The following MED17 variants were observed in gnomAD, a reference collection of about 807,000 sequenced individuals.
MED17 encodes mediator complex subunit 17.
A neutral mutation model predicts 80.8 loss-of-function variants in MED17; 49 were observed. That is an observed-to-expected ratio of 0.61 (90% CI 0.48 to 0.77). MED17 has a LOEUF of 0.77. Ranked by LOEUF, MED17 falls within the 30% of genes least tolerant of loss-of-function variation. The pLI, the probability that MED17 is intolerant of heterozygous loss-of-function variation, is 0.00. For synonymous variants in MED17, 281 were observed against 280.4 expected (o/e 1.00, Z -0.02); for missense variants, 718 against 787.0 (o/e 0.91, Z 1.05).
At chr11:93,807,267 G>T in intron 9 of MED17, 1 of 398,494 alleles carries the variant, frequency 2.5e-6, no homozygotes, top group Non-Finnish European at 4.6e-6. Context: ...ACAAAAATTA[G>T]CCGGGCATGA....
At chr11:93,786,042 A>G (rs1045515200) in intron 1 of MED17, among the ~76,000 whole-genome samples, 3 of 152,222 alleles carry the variant, frequency 2.0e-5, no homozygotes, top group South Asian at 2.1e-4. Context: ...CTTACAAAGT[A>G]TAGATATATT....
chr11:93,784,893 A>G (rs1943752688), intron 1 of MED17, 130 bp downstream of exon 1: 1 of 1,311,810 alleles, frequency 7.6e-7, no homozygotes, highest in Non-Finnish European at 1.0e-6. Flanking sequence ...GCGGAAGCGT[A>G]AGGATACTTG....
At position 93,790,800 on chromosome 11, in the gene MED17, A is replaced by G. The variant is rs1322554958; in HGVS notation, c.637+7A>G. On this transcript the variant is annotated splice_region_variant and intron_variant, in intron 3 of 11. Coordinates refer to ENST00000251871, the MANE Select transcript of MED17 (RefSeq NM_004268.5). ...CTGAGCTACAGAAGTGCAGGTATGA[A>G]TAATTATTAAAAACTATACTTTCTG... is the stretch of plus-strand genomic sequence containing the variant. 6.2e-7 allele frequency: 1 copy of G among 1,611,636 alleles called. No homozygotes were observed. The highest frequency in any genetic ancestry group is 1.3e-5 in the African/African-American group (1 of 75,010).
chr11:93,804,634 G>A (rs572197739), intron 9 of MED17, among the ~76,000 whole-genome samples: 2 of 152,194 alleles, frequency 1.3e-5, no homozygotes, highest in South Asian at 4.1e-4. Context: ...TAGAAGTTAT[G>A]TAACCCTACC....
chr11:93,807,327 C>T (rs1944036627), intron 9 of MED17, 191 bp from the exon 10 acceptor site: 1 of 536,850 alleles, frequency 1.9e-6, no homozygotes. Flanking sequence ...GCAGGAGACT[C>T]TCTTGAACTC....
At chr11:93,801,657 C>G (rs1943962885) in intron 8 of MED17, 178 bp from the exon 9 acceptor site, 7 of 596,056 alleles carry the variant, frequency 1.2e-5, no homozygotes, top group Non-Finnish European at 2.1e-5. Flanking sequence ...CCTACACATT[C>G]AAGCAGTATG....
rs367775686 is a variant in MED17, at chr11:93,794,077, G to A, written c.859+42G>A. The A allele has an allele frequency of 1.8e-5, 27 of 1,491,386 alleles. No homozygotes were observed. In the African/African-American group the frequency reaches 2.5e-4, roughly 14 times the overall value. 92.4% of individuals were successfully genotyped at this position (1,491,386 alleles called of 1,614,324 possible). On this transcript the variant is annotated intron_variant, in intron 5 of 11. Transcript: ENST00000251871. Reference sequence around the variant, plus strand: ...TTCTCTAATTTCTGGTCTTATTTGAGCTGACATTTTAAAATAAACTGAAGA... The same window carrying A: ...TTCTCTAATTTCTGGTCTTATTTGAACTGACATTTTAAAATAAACTGAAGA...
chr11:93,798,804 A>G (rs1224687766), intron 8 of MED17, among the ~76,000 whole-genome samples: 1 of 152,244 alleles, frequency 6.6e-6, no homozygotes, highest in Non-Finnish European at 1.5e-5. Context: ...ATTATATGAT[A>G]GGTTACTGTT....
In MED17 at chr11:93,802,287, A is replaced by G. The variant is rs55734929; in HGVS notation, c.1466+315A>G. Among the ~76,000 whole-genome samples the G allele has an allele frequency of 0.099, 15,018 of 152,066 alleles. 786 individuals carry two copies. Among genetic ancestry groups the G allele is most frequent in the East Asian group, 0.14 (736 of 5,168 alleles). ...CCAGCTAATTAAAAAAATTTTTTTT[A>G]AGAAACATGTCTATGTTGCCCATGC... On this transcript the variant is annotated intron_variant, in intron 9 of 11. Coordinates refer to ENST00000251871, the MANE Select transcript of MED17 (RefSeq NM_004268.5).
At chr11:93,803,993 G>A (rs1197786586) in intron 9 of MED17, among the ~76,000 whole-genome samples, 45 of 2,270 alleles carry the variant, frequency 0.02, no homozygotes, top group African/African-American at 0.029. Flanking sequence ...GTGTATATAT[G>A]TGTGTGTATA....
intron 8 of MED17, among the ~76,000 whole-genome samples, chr11:93,800,434 G>C (rs1019014598): frequency 1.3e-5 from 2 of 152,066 alleles, no homozygotes; most frequent in Admixed American, 6.6e-5. Flanking sequence ...TTCTACACCA[G>C]CCTGGCCAAC....
intron 7 of MED17, 141 bp from the exon 8 acceptor site, chr11:93,797,394 G>A: frequency 1.0e-5 from 8 of 784,198 alleles, no homozygotes; most frequent in Middle Eastern, 3.2e-4. Flanking sequence ...GTAGTTGCTA[G>A]CATTTTTCTC....
chr11:93,811,733 A>G (rs1022055096), intron 11 of MED17, 120 bp from the exon 12 acceptor site: 7 of 894,846 alleles, frequency 7.8e-6, no homozygotes, highest in Non-Finnish European at 1.2e-5. Flanking sequence ...TTTTTACAAG[A>G]ATATTTAAGT....
intron 9 of MED17, among the ~76,000 whole-genome samples, chr11:93,805,730 G>A (rs1944016568): frequency 6.6e-6 from 1 of 152,142 alleles, no homozygotes; most frequent in Admixed American, 6.6e-5. Context: ...TAAAATGTTG[G>A]TTAGATTAAT....
At chr11:93,786,630 G>A (rs959256115) in intron 1 of MED17, among the ~76,000 whole-genome samples, 7 of 152,042 alleles carry the variant, frequency 4.6e-5, no homozygotes, top group African/African-American at 1.4e-4. Context: ...ACCATGCCTG[G>A]CTAATTTTTG....
intron 1 of MED17, among the ~76,000 whole-genome samples, chr11:93,785,435 AG>A (rs1024386491): frequency 7.2e-5 from 11 of 152,322 alleles, no homozygotes; most frequent in African/African-American, 2.6e-4. Context: ...ATTATTGTCA[AG>A]GATTTTTGAA....
intron 1 of MED17, among the ~76,000 whole-genome samples, chr11:93,787,171 T>G (rs1943779536): frequency 6.6e-6 from 1 of 152,154 alleles, no homozygotes; most frequent in African/African-American, 2.4e-5. Context: ...CCCAGCACTT[T>G]CGGAGGCCGG....
At chr11:93,802,347 G>C (rs181545619) in intron 9 of MED17, among the ~76,000 whole-genome samples, 1 of 152,226 alleles carries the variant, frequency 6.6e-6, no homozygotes, top group East Asian at 1.9e-4. Context: ...CAATCCTGCT[G>C]TCTTGGCCTC....
rs1361973422 is a variant in MED17 at position 93,788,315 on chromosome 11, A to G, written c.417+148A>G. On this transcript the variant is annotated intron_variant, in intron 2 of 11. Coordinates refer to ENST00000251871, the MANE Select transcript of MED17 (RefSeq NM_004268.5). ...AGACTAACTGGTCTAAAACAAAGCC[A>G]TACAACTGCATTTCCTTTATTTTTT... The G allele has an allele frequency of 4.6e-6, 3 of 649,300 alleles. No individual in the cohort carries two copies. In the East Asian group the frequency reaches 8.3e-5, roughly 18 times the overall value. 40.2% of individuals were successfully genotyped at this position (649,300 alleles called of 1,614,324 possible).
Sources: allele counts gnomAD v4.1 joint callset (sites outside exome capture counted in the v4.1 genomes callset), GRCh38; gene constraint gnomAD v4.1.1; transcripts MANE v1.5; gene names NCBI Gene and HGNC (gene_info 2026-07-23, HGNC 2026-07-21).